KIAA1755: variants seen among roughly 807,000 people sequenced by gnomAD.
The protein encoded by KIAA1755 is uncharacterized protein KIAA1755.
A neutral mutation model predicts 91.7 loss-of-function variants in KIAA1755; 68 were observed. That is an observed-to-expected ratio of 0.74 (90% confidence interval 0.61 to 0.91). The LOEUF (loss-of-function observed/expected upper bound fraction) is 0.91. KIAA1755 is among the 40% of genes least tolerant of loss of function. The pLI is 0.00. For missense variants in KIAA1755, 1,535 were observed against 1,494.4 expected (o/e 1.03, Z -0.45); for synonymous variants, 610 against 604.6 (o/e 1.01, Z -0.13).
intron 11 of KIAA1755, among the ~76,000 whole-genome samples, chr20:38,218,777 A>G (rs2075601153): frequency 6.6e-6 from 1 of 151,074 alleles, no homozygotes; most frequent in Non-Finnish European, 1.5e-5. Context: ...AGTGCTGGAG[A>G]AGAAGCTGCA....
Position 38,213,133 on chromosome 20 carries a change from C to T in KIAA1755, c.3512G>A (p.Arg1171His), listed in dbSNP as rs774052952. 24 of 1,611,184 alleles carry T rather than the reference C, an allele frequency of 1.5e-5. No individual in the cohort carries two copies. The South Asian group carries it at 2.0e-4, about 13-fold the overall frequency. ...QQPPRQSQVPRLTGGSFSSEG... is the reference protein window; with the variant it reads ...QQPPRQSQVPHLTGGSFSSEG... ...TGAGGAGAAGCTGCCCCCAGTGAGGCGAGGGACCTGGCTCTGCCTGGGGGG... is the reference window on the plus strand; with the variant it reads ...TGAGGAGAAGCTGCCCCCAGTGAGGTGAGGGACCTGGCTCTGCCTGGGGGG... Residue 1171 changes from arginine to histidine, a missense_variant, in exon 14 of 14, where the codon CGC becomes CAC. Transcript: ENST00000279024.
chr20:38,217,657 T>C, intron 12 of KIAA1755, 183 bp from the exon 13 acceptor site: 1 of 598,136 alleles, frequency 1.7e-6, no homozygotes, highest in East Asian at 2.8e-5. Flanking sequence ...CTGGTGAGGG[T>C]TGAACAATTA....
chr20:38,212,869 T>G lies in KIAA1755; in HGVS notation c.*173A>C. On this transcript the variant is annotated 3_prime_UTR_variant, in exon 14 of 14. Transcript: ENST00000279024. ...GGTGAAGATCGGGTCTTCCAGGAGT[T>G]TTCTGGAGCCAGGGGCAGGTCGACA... The G allele has an allele frequency of 1.8e-6, 1 of 554,030 alleles. No homozygotes were observed. The highest frequency in any genetic ancestry group is 3.3e-5 in the South Asian group (1 of 30,504). The allele number at this position is 554,030 out of a possible 1,614,324, so 34.3% of individuals were successfully genotyped here.
At chr20:38,245,865 C>T (rs768628893) in intron 2 of KIAA1755, 64 bp downstream of exon 2, 44 of 1,513,836 alleles carry the variant, frequency 2.9e-5, no homozygotes, top group South Asian at 4.5e-5. Context: ...CTTCTCTGCC[C>T]GCCTCTAGCC....
chr20:38,211,954 G>A lies in KIAA1755; in HGVS notation c.*1088C>T, dbSNP rs948297549. 9 of 152,216 alleles carry A rather than the reference G, an allele frequency of 5.9e-5. No individual in the cohort carries two copies. Among genetic ancestry groups the A allele is most frequent in the African/African-American group, 1.7e-4 (7 of 41,440 alleles). The allele number at this position is 152,216 out of a possible 1,614,324, so 9.4% of individuals were successfully genotyped here. The stretch of plus-strand genomic sequence containing the variant: ...CTCTGGATGCCTCACGCCTCAGGGG[G>A]TGTTCAAGGATTCCATGCTGTCTTT... On this transcript the variant is annotated 3_prime_UTR_variant, in exon 14 of 14. Transcript: ENST00000279024.
chr20:38,228,104 C>T (rs762888162), intron 6 of KIAA1755, 43 bp downstream of exon 6: 1 of 1,477,740 alleles, frequency 6.8e-7, no homozygotes, highest in East Asian at 2.4e-5. Flanking sequence ...CCCCTGGTGG[C>T]TCCCAGGACT....
At position 38,241,395 on chromosome 20, in the gene KIAA1755, G is replaced by A. The variant is rs577168630; in HGVS notation, c.736C>T (p.Pro246Ser). The A allele has an allele frequency of 3.7e-6, 6 of 1,614,206 alleles. No homozygotes were observed. The highest frequency in any genetic ancestry group is 4.2e-6 in the Non-Finnish European group (5 of 1,180,032). The part of the protein sequence containing the change: ...GKGRTYGSKY[P>S]GLIKVEQARC... ...GCTTGCTCCACCTTGATGAGTCCTG[G>A]ATACTTGCTCCCATATGTCCTGCCC... The change falls in exon 3 of 14, where the codon CCA (proline) becomes TCA (serine). Residue 246 changes from proline to serine, a missense_variant. Coordinates refer to ENST00000279024, the MANE Select transcript of KIAA1755 (RefSeq NM_001029864.2).
At position 38,260,521 on chromosome 20, in the gene KIAA1755, G is replaced by C; in HGVS notation, c.-21C>G. 6.8e-7 allele frequency: 1 copy of C among 1,481,342 alleles called. No homozygotes were observed. The highest frequency in any genetic ancestry group is 1.4e-5 in the South Asian group (1 of 69,858). The allele number at this position is 1,481,342 out of a possible 1,614,324, so 91.8% of individuals were successfully genotyped here. On this transcript the variant is annotated 5_prime_UTR_variant, in exon 1 of 14. Coordinates refer to ENST00000279024, the MANE Select transcript of KIAA1755 (RefSeq NM_001029864.2). ...ACCATGGTGACGGGCTGCCAGCGGCGGGCGGCGCGGCTCCTCTCCTGGGCG... is the reference window on the plus strand; with the variant it reads ...ACCATGGTGACGGGCTGCCAGCGGCCGGCGGCGCGGCTCCTCTCCTGGGCG...
intron 1 of KIAA1755, among the ~76,000 whole-genome samples, chr20:38,255,369 A>G (rs1037234217): frequency 1.3e-5 from 2 of 152,080 alleles, no homozygotes; most frequent in Non-Finnish European, 2.9e-5. Flanking sequence ...CAGGGAAGCA[A>G]TGGGGAATAG....
In KIAA1755 at chr20:38,236,479, T is replaced by C. The variant is rs945392187; in HGVS notation, c.1747+3049A>G. ...GAGAAAGGGACCAAGGACTGGGCTTTGGGGGCCCTCCAGGATTTACAGGTT... is the reference window on the plus strand; with the variant it reads ...GAGAAAGGGACCAAGGACTGGGCTTCGGGGGCCCTCCAGGATTTACAGGTT... On this transcript the variant is annotated intron_variant, in intron 4 of 13. Coordinates refer to ENST00000279024, the MANE Select transcript of KIAA1755 (RefSeq NM_001029864.2). 4.6e-5 allele frequency among the ~76,000 whole-genome samples: 7 copies of C among 152,234 alleles called. No homozygotes were observed. In the East Asian group the frequency reaches 1.4e-3, roughly 29 times the overall value.
At chr20:38,229,385 G>T (rs941547614) in intron 5 of KIAA1755, among the ~76,000 whole-genome samples, 1 of 152,234 alleles carries the variant, frequency 6.6e-6, no homozygotes, top group Non-Finnish European at 1.5e-5. Context: ...GGGAAACTGA[G>T]GCACAGAAAG....
chr20:38,256,940 C>T (rs546140011), intron 1 of KIAA1755, among the ~76,000 whole-genome samples: 3 of 152,188 alleles, frequency 2.0e-5, no homozygotes, highest in Admixed American at 6.5e-5. Flanking sequence ...CCTCCTGGAA[C>T]CTTTGGTGGA....
intron 1 of KIAA1755, among the ~76,000 whole-genome samples, chr20:38,252,337 C>T (rs1042871303): frequency 4.6e-5 from 7 of 152,182 alleles, no homozygotes; most frequent in Non-Finnish European, 1.0e-4. Flanking sequence ...TCCCTGTGTC[C>T]ACTACTGTCA....
intron 2 of KIAA1755, among the ~76,000 whole-genome samples, chr20:38,245,311 G>T (rs1568770470): frequency 6.6e-6 from 1 of 152,330 alleles, no homozygotes; most frequent in South Asian, 2.1e-4. Context: ...CCAACAAGCA[G>T]CGCAAAGCAG....
chr20:38,212,725 G>C lies in KIAA1755; in HGVS notation c.*317C>G, dbSNP rs898434172. 2 of 243,756 alleles carry C rather than the reference G, an allele frequency of 8.2e-6. No individual in the cohort carries two copies. Among genetic ancestry groups the C allele is most frequent in the East Asian group, 1.5e-4 (2 of 13,032 alleles). The allele number at this position is 243,756 out of a possible 1,614,324, so 15.1% of individuals were successfully genotyped here. A position where few individuals can be genotyped will look rare whatever the true frequency, so the allele number is the denominator to read the frequency against. On this transcript the variant is annotated 3_prime_UTR_variant, in exon 14 of 14. Coordinates refer to ENST00000279024, the MANE Select transcript of KIAA1755 (RefSeq NM_001029864.2). ...GGTGGGTGTCTGCCTGCCTGCGAGC[G>C]AGACCTCTGGAGGGGTCTGTGCCGA...
At chr20:38,222,773 C>T (rs1046473382) in intron 9 of KIAA1755, 176 bp from the exon 10 acceptor site, 7 of 683,872 alleles carry the variant, frequency 1.0e-5, no homozygotes, top group South Asian at 1.7e-5. Context: ...CTCGTCACCA[C>T]GGCAACCTCA....
intron 5 of KIAA1755, among the ~76,000 whole-genome samples, chr20:38,228,873 A>AAACACCCTCCCTGGTTCAGCCAC (rs1349133096): frequency 1.3e-5 from 2 of 152,220 alleles, no homozygotes; most frequent in Admixed American, 6.5e-5. Flanking sequence ...ATTGCAGCCA[A>AAACACCCTCCCTGGTTCAGCCAC]AACACCCTCC....
intron 6 of KIAA1755, 114 bp from the exon 7 acceptor site, chr20:38,227,354 G>T: frequency 1.5e-6 from 1 of 671,310 alleles, no homozygotes; most frequent in Non-Finnish European, 2.6e-6. Flanking sequence ...CACAAGGACA[G>T]AGTGGGGTCC....
At chr20:38,259,332 G>T (rs1303096217) in intron 1 of KIAA1755, among the ~76,000 whole-genome samples, 2 of 152,148 alleles carry the variant, frequency 1.3e-5, no homozygotes, top group East Asian at 3.9e-4. Context: ...GCCAATGTAT[G>T]CCCATAGTTT....
Sources: allele counts gnomAD v4.1 joint callset (sites outside exome capture counted in the v4.1 genomes callset), GRCh38; gene constraint gnomAD v4.1.1; transcripts MANE v1.5; gene names NCBI Gene and HGNC (gene_info 2026-07-23, HGNC 2026-07-21).